Variants in LALBA observed in about 807,000 individuals in gnomAD.
The protein encoded by LALBA is lactalbumin alpha, also known as alpha-lactalbumin.
LALBA carries 12 observed loss-of-function variants against 13.4 expected under a neutral mutation model. That is an observed-to-expected ratio of 0.89 (90% CI 0.57 to 1.45). The LOEUF is 1.45. Among genes scored for constraint, LALBA ranks in the 40% most tolerant of loss-of-function variants. The pLI is 0.00. For missense variants in LALBA, 145 were observed against 165.9 expected (o/e 0.87, Z 0.69); for synonymous variants, 64 against 61.0 (o/e 1.05, Z -0.23).
rs1329357962 is a variant in LALBA at position 48,567,746 on chromosome 12, A to G, written c.*211T>C. Reference sequence around the variant, plus strand: ...AAATCTGTGCTGTAGTGAAAGTGCCATCGAAGGCACTGAGTAAGGGTCTAG... The same window carrying G: ...AAATCTGTGCTGTAGTGAAAGTGCCGTCGAAGGCACTGAGTAAGGGTCTAG... On this transcript the variant is annotated 3_prime_UTR_variant, in exon 4 of 4. Transcript: ENST00000301046. 2.9e-5 allele frequency: 15 copies of G among 522,858 alleles called. No individual in the cohort carries two copies. In the East Asian group the frequency reaches 4.9e-4, roughly 17 times the overall value. 32.4% of individuals were successfully genotyped at this position (522,858 alleles called of 1,614,324 possible).
chr12:48,570,686 G>A (rs573193596), upstream of LALBA, among the ~76,000 whole-genome samples: 1 of 152,240 alleles, frequency 6.6e-6, no homozygotes, highest in African/African-American at 2.4e-5. Context: ...TGAAAAGCCT[G>A]TATGAAAGCA....
intron 3 of LALBA, 27 bp downstream of exon 3, chr12:48,568,490 G>A (rs970780860): frequency 4.5e-6 from 6 of 1,325,046 alleles, no homozygotes; most frequent in Non-Finnish European, 6.5e-6. Context: ...GGAGGATGGG[G>A]AAATAGAAAA....
rs56044981 is a variant in LALBA at position 48,568,575 on chromosome 12, T to G, written c.310A>C (p.Ile104Leu). ...TTGGCACACATTATGTCATCAGTAA[T>G]GTCATCATCCAGGAACTCTGGCAGG... Reference protein sequence around the residue: ...ISCDKFLDDDITDDIMCAKKI... With the variant: ...ISCDKFLDDDLTDDIMCAKKI... Residue 104 changes from isoleucine (I) to leucine (L), a missense_variant, in exon 3 of 4, where the codon ATT (isoleucine) becomes CTT (leucine). Transcript: ENST00000301046. 4 of 1,598,672 alleles carry G rather than the reference T, an allele frequency of 2.5e-6. No individual in the cohort carries two copies. The Admixed American group carries it at 6.9e-5, about 27-fold the overall frequency.
chr12:48,571,622 C>G (rs1938635244), upstream of LALBA, among the ~76,000 whole-genome samples: 1 of 151,936 alleles, frequency 6.6e-6, no homozygotes, highest in African/African-American at 2.4e-5. Flanking sequence ...TGAGCTCAGG[C>G]AATTTGCCTG....
upstream of LALBA, among the ~76,000 whole-genome samples, chr12:48,570,706 G>A (rs1414983500): frequency 6.6e-6 from 1 of 152,136 alleles, no homozygotes; most frequent in East Asian, 1.9e-4. Context: ...ATCTAGGCCA[G>A]GCACAGTGGC....
rs1938584366 is a variant in LALBA at position 48,567,686 on chromosome 12, A to T, written c.*271T>A. 2.9e-6 allele frequency: 1 copy of T among 339,222 alleles called. No individual in the cohort carries two copies. The highest frequency in any genetic ancestry group is 5.5e-6 in the Non-Finnish European group (1 of 182,846). The allele number at this position is 339,222 out of a possible 1,614,324, so 21.0% of individuals were successfully genotyped here. A position where few individuals can be genotyped will look rare whatever the true frequency, so the allele number is the denominator to read the frequency against. On this transcript the variant is annotated 3_prime_UTR_variant, in exon 4 of 4. Transcript: ENST00000301046. ...AGGGGGAAAAAAATTACAGCCAGTGACTTCAAAGTGGGACCTTTATTCAAG... is the reference window on the plus strand; with the variant it reads ...AGGGGGAAAAAAATTACAGCCAGTGTCTTCAAAGTGGGACCTTTATTCAAG...
chr12:48,569,627 C>A (rs563565457), intron 1 of LALBA, among the ~76,000 whole-genome samples: 1 of 152,200 alleles, frequency 6.6e-6, no homozygotes, highest in South Asian at 2.1e-4. Flanking sequence ...GCAGGAGAAT[C>A]ACTTGAACCG....
Position 48,568,510 on chromosome 12 carries a change from G to C in LALBA, c.368+7C>G. 2 of 1,487,594 alleles carry C rather than the reference G, an allele frequency of 1.3e-6. No homozygotes were observed. Among genetic ancestry groups the C allele is most frequent in the African/African-American group, 1.4e-5 (1 of 72,496 alleles). The allele number at this position is 1,487,594 out of a possible 1,614,324, so 92.1% of individuals were successfully genotyped here. A position where few individuals can be genotyped will look rare whatever the true frequency, so the allele number is the denominator to read the frequency against. ...ATGGGGAAATAGAAAATAGAATAAG[G>C]ATTCACCAGTAGTCAATTCCTTTAA... On this transcript the variant is annotated splice_region_variant and intron_variant, in intron 3 of 3. Transcript: ENST00000301046.
intron 3 of LALBA, 70 bp downstream of exon 3, chr12:48,568,447 G>T (rs1938593149): frequency 4.6e-6 from 4 of 873,996 alleles, no homozygotes; most frequent in Non-Finnish European, 7.8e-6. Flanking sequence ...AGGGTAAGAG[G>T]AAAGGGGTGC....
At chr12:48,568,747 A>T (rs1029654761) in intron 2 of LALBA, among the ~76,000 whole-genome samples, 155 bp from the exon 3 acceptor site, 4 of 152,150 alleles carry the variant, frequency 2.6e-5, no homozygotes, top group African/African-American at 9.7e-5. Flanking sequence ...GTAATGTCTA[A>T]CCCTGGGTAG....
intron 1 of LALBA, 143 bp downstream of exon 1, chr12:48,569,745 C>A (rs1349272573): frequency 1.8e-5 from 13 of 728,898 alleles, no homozygotes; most frequent in Non-Finnish European, 2.5e-5. Flanking sequence ...TATATACATA[C>A]ATGAAATAAA....
At chr12:48,568,696 G>C (rs1427704928) in intron 2 of LALBA, 104 bp from the exon 3 acceptor site, 1 of 693,156 alleles carries the variant, frequency 1.4e-6, no homozygotes, top group Non-Finnish European at 2.5e-6. Flanking sequence ...CTAAACTCAA[G>C]GCTTGTGCCT....
Position 48,569,089 on chromosome 12 carries a change from G to A in LALBA, c.285C>T (p.Ser95=), listed in dbSNP as rs1402985144. 2.5e-6 allele frequency: 4 copies of A among 1,610,612 alleles called. No homozygotes were observed. Among genetic ancestry groups the A allele is most frequent in the Admixed American group, 1.7e-5 (1 of 58,834 alleles). ...GTTATAGGGGCTACTCACTGTCACAGGAGATGTCACAGATGTTCCTTGACT... is the reference window on the plus strand; with the variant it reads ...GTTATAGGGGCTACTCACTGTCACAAGAGATGTCACAGATGTTCCTTGACT... ...VPQSRNICDI[S]CDKFLDDDIT... Residue 95 remains serine (S), a synonymous_variant, in exon 2 of 4, where the codon TCC becomes TCT. Coordinates refer to ENST00000301046, the MANE Select transcript of LALBA (RefSeq NM_002289.3).
At chr12:48,571,015 C>G (rs1016500685), upstream of LALBA, among the ~76,000 whole-genome samples, 1 of 150,522 alleles carries the variant, frequency 6.6e-6, no homozygotes, top group African/African-American at 2.4e-5. Flanking sequence ...ATCTAGCTAT[C>G]CTACGAGCTA....
intron 1 of LALBA, among the ~76,000 whole-genome samples, chr12:48,569,560 A>G (rs1938607906): frequency 6.6e-6 from 1 of 152,080 alleles, no homozygotes; most frequent in East Asian, 1.9e-4. Flanking sequence ...CAAAAAATAC[A>G]AAATTAGCCA....
chr12:48,568,201 TA>T, intron 3 of LALBA, 184 bp from the exon 4 acceptor site: 1 of 630,688 alleles, frequency 1.6e-6, no homozygotes, highest in Non-Finnish European at 2.9e-6. Context: ...ATTGTAGGGT[TA>T]AAAAAGAGAT....
upstream of LALBA, among the ~76,000 whole-genome samples, chr12:48,570,532 A>G (rs1240995461): frequency 6.6e-6 from 1 of 152,154 alleles, no homozygotes. Context: ...CAATCCAGCC[A>G]TGTAACAAGG....
chr12:48,569,289 A>T, intron 1 of LALBA, 49 bp from the exon 2 acceptor site: 1 of 1,467,510 alleles, frequency 6.8e-7, no homozygotes, highest in Non-Finnish European at 9.3e-7. Flanking sequence ...CAGGATCTGC[A>T]TAAAGGAGGA....
In LALBA at chr12:48,569,155, C is replaced by T. The variant is rs778232339; in HGVS notation, c.219G>A (p.Gln73=). 3.1e-6 allele frequency: 5 copies of T among 1,613,558 alleles called. No homozygotes were observed. The Admixed American group carries it at 8.3e-5, about 27-fold the overall frequency. The change falls in exon 2 of 4, where the codon CAG becomes CAA. Residue 73 remains glutamine (Q), a synonymous_variant. Coordinates refer to ENST00000301046, the MANE Select transcript of LALBA (RefSeq NM_002289.3). ...NNESTEYGLF[Q]ISNKLWCKSS... is the part of the protein sequence containing the mutation. Reference sequence around the variant, plus strand: ...TCTTGCACCAAAGCTTATTACTGATCTGGAAGAGTCCATATTCCGTGCTTT... The same window carrying T: ...TCTTGCACCAAAGCTTATTACTGATTTGGAAGAGTCCATATTCCGTGCTTT...
Sources: gnomAD v4.1 joint callset for allele counts (sites outside exome capture counted in the v4.1 genomes callset) on GRCh38, gnomAD v4.1.1 for gene constraint, MANE v1.5 for transcripts, NCBI Gene and HGNC (gene_info 2026-07-23, HGNC 2026-07-21) for gene names.